MC2R: variants seen among roughly 807,000 people sequenced by gnomAD.
MC2R encodes the protein adrenocorticotropic hormone receptor.
A neutral mutation model predicts 9.8 loss-of-function variants in MC2R; 9 were observed. The observed-to-expected ratio is 0.92, with a 90% confidence interval of 0.55 to 1.60. The LOEUF is 1.60. MC2R is among the 40% of genes most tolerant of loss of function. MC2R has a pLI of 0.00. For synonymous variants in MC2R, 185 were observed against 154.7 expected, an observed-to-expected ratio of 1.20 and a Z score of -1.45; for missense variants, 370 against 389.0, an observed-to-expected ratio of 0.95 and a Z score of 0.41.
At chr18:13,908,503 A>T (rs2045426521) in intron 1 of MC2R, among the ~76,000 whole-genome samples, 1 of 152,188 alleles carries the variant, frequency 6.6e-6, no homozygotes, top group South Asian at 2.1e-4. Context: ...TACATTCCAA[A>T]ATGGCTAGAA....
intron 1 of MC2R, among the ~76,000 whole-genome samples, chr18:13,886,160 T>C (rs2045274958): frequency 6.6e-6 from 1 of 152,198 alleles, no homozygotes; most frequent in African/African-American, 2.4e-5. Context: ...AGCCCAGGCT[T>C]CACCACTACA....
At chr18:13,888,074 A>G (rs1421345265) in intron 1 of MC2R, among the ~76,000 whole-genome samples, 1 of 151,974 alleles carries the variant, frequency 6.6e-6, no homozygotes, top group Non-Finnish European at 1.5e-5. Context: ...GAATTAGTAT[A>G]TATTTCCAAT....
intron 1 of MC2R, among the ~76,000 whole-genome samples, chr18:13,899,973 G>C (rs1164605862): frequency 6.6e-6 from 1 of 152,112 alleles, no homozygotes; most frequent in African/African-American, 2.4e-5. Context: ...TCATAACACT[G>C]TAACTGTGCT....
chr18:13,903,076 C>T (rs1483878119), intron 1 of MC2R, among the ~76,000 whole-genome samples: 1 of 152,182 alleles, frequency 6.6e-6, no homozygotes, highest in Non-Finnish European at 1.5e-5. Flanking sequence ...ACATGGCAAA[C>T]AGGCATATGA....
At chr18:13,898,450 C>T (rs919106400) in intron 1 of MC2R, among the ~76,000 whole-genome samples, 4 of 152,214 alleles carry the variant, frequency 2.6e-5, no homozygotes, top group African/African-American at 9.6e-5. Context: ...GGGGGAACTT[C>T]CTGCCCTGAA....
At chr18:13,895,893 C>A (rs896500146) in intron 1 of MC2R, among the ~76,000 whole-genome samples, 1 of 152,162 alleles carries the variant, frequency 6.6e-6, no homozygotes, top group African/African-American at 2.4e-5. Flanking sequence ...GATCAGATAC[C>A]AGACTGGTCT....
chr18:13,909,555 C>CTATT lies in MC2R; in HGVS notation c.-129+5929_-129+5932dup, dbSNP rs549791735. ...GCATGGGAGATTAGCCTATCCTTCC[C>CTATT]TATTTATTTATTTATTCAATCCTAT... On this transcript the variant is annotated intron_variant, in intron 1 of 1. Coordinates refer to ENST00000327606, the MANE Select transcript of MC2R (RefSeq NM_000529.2). 1.6e-4 allele frequency among the ~76,000 whole-genome samples: 24 copies of CTATT among 152,256 alleles called. 1 individual carries two copies. In the East Asian group the frequency reaches 4.6e-3, roughly 29 times the overall value.
intron 1 of MC2R, among the ~76,000 whole-genome samples, chr18:13,913,117 G>A (rs17702214): frequency 0.52 from 79,588 of 151,952 alleles, 22,031 homozygotes; most frequent in African/African-American, 0.71. Context: ...TAGGACGAGC[G>A]AAGGAAAGTC....
At chr18:13,908,364 G>A (rs1307683140) in intron 1 of MC2R, among the ~76,000 whole-genome samples, 1 of 151,838 alleles carries the variant, frequency 6.6e-6, no homozygotes, top group Non-Finnish European at 1.5e-5. Flanking sequence ...CAAGAGCCCA[G>A]GAAGGGTAGA....
intron 1 of MC2R, among the ~76,000 whole-genome samples, chr18:13,902,084 C>A (rs2045383436): frequency 6.6e-6 from 1 of 150,748 alleles, no homozygotes; most frequent in African/African-American, 2.5e-5. Flanking sequence ...GCAAGGATGG[C>A]TTAACATATG....
chr18:13,903,560 A>G (rs2045393099), intron 1 of MC2R, among the ~76,000 whole-genome samples: 1 of 152,210 alleles, frequency 6.6e-6, no homozygotes. Context: ...TGGAAGCGAA[A>G]TAAGCCAGGA....
chr18:13,884,290 T>C lies in MC2R; in HGVS notation c.*335A>G, dbSNP rs189019184. ...CCCAAAGCCCTTGAATTTTTATTGC[T>C]GTTTTACTAGATTGGTGCAAAAGTA... On this transcript the variant is annotated 3_prime_UTR_variant, in exon 2 of 2. Coordinates refer to ENST00000327606, the MANE Select transcript of MC2R (RefSeq NM_000529.2). The C allele has an allele frequency of 1.6e-4, 57 of 363,344 alleles. No individual in the cohort carries two copies. The highest frequency in any genetic ancestry group is 1.1e-3 in the African/African-American group (55 of 48,074). The allele number at this position is 363,344 out of a possible 1,614,324, so 22.5% of individuals were successfully genotyped here. A position where few individuals can be genotyped will look rare whatever the true frequency, so the allele number is the denominator to read the frequency against.
rs768093045 is a variant in MC2R, at chr18:13,885,212, C to T, written c.307G>A (p.Asp103Asn). The T allele has an allele frequency of 2.1e-5, 34 of 1,613,990 alleles. No homozygotes were observed. Among genetic ancestry groups the T allele is most frequent in the Admixed American group, 1.8e-4 (11 of 59,986 alleles). The change falls in exon 2 of 2, where the codon GAT (aspartate) becomes AAT (asparagine). Residue 103 changes from aspartate to asparagine, a missense_variant. Coordinates refer to ENST00000327606, the MANE Select transcript of MC2R (RefSeq NM_000529.2). ...ACAAACAGGGAGTCGATGATGTCATCGGCTGTGGTTTCAAAACTGCCACGT... is the reference window on the plus strand; with the variant it reads ...ACAAACAGGGAGTCGATGATGTCATTGGCTGTGGTTTCAAAACTGCCACGT... ...KPRGSFETTA[D>N]DIIDSLFVLS... is the part of the protein sequence containing the mutation.
chr18:13,899,487 G>A (rs2045366010), intron 1 of MC2R, among the ~76,000 whole-genome samples: 1 of 152,096 alleles, frequency 6.6e-6, no homozygotes, highest in African/African-American at 2.4e-5. Context: ...CAAACCTAGA[G>A]AAAGATACCA....
At chr18:13,890,943 C>T (rs1185779517) in intron 1 of MC2R, among the ~76,000 whole-genome samples, 1 of 152,174 alleles carries the variant, frequency 6.6e-6, no homozygotes, top group Non-Finnish European at 1.5e-5. Context: ...TGGAGGCAGG[C>T]ATGACTCCTG....
At chr18:13,897,018 A>G (rs1387796327) in intron 1 of MC2R, among the ~76,000 whole-genome samples, 2 of 152,234 alleles carry the variant, frequency 1.3e-5, no homozygotes, top group Non-Finnish European at 2.9e-5. Flanking sequence ...CCAATTCAAC[A>G]ACTATCTACA....
intron 1 of MC2R, among the ~76,000 whole-genome samples, chr18:13,895,852 C>T (rs1314602510): frequency 6.6e-6 from 1 of 152,122 alleles, no homozygotes; most frequent in Non-Finnish European, 1.5e-5. Flanking sequence ...ACAGCAACAC[C>T]ATGAGGCAGC....
intron 1 of MC2R, among the ~76,000 whole-genome samples, chr18:13,908,305 A>T (rs1363957648): frequency 6.6e-6 from 1 of 152,218 alleles, no homozygotes; most frequent in African/African-American, 2.4e-5. Flanking sequence ...TCTCACTCAC[A>T]TGTGGGAGCT....
Position 13,882,885 on chromosome 18 carries a change from T to C in MC2R, c.*1740A>G, listed in dbSNP as rs2045241708. ...AATACAGGTTAGTATTAGAGTAACA[T>C]AGTTCATTTGGCAGGGGAAGGATCA... On this transcript the variant is annotated 3_prime_UTR_variant, in exon 2 of 2. Transcript: ENST00000327606. 1 of 152,222 alleles carries C rather than the reference T, an allele frequency of 6.6e-6. No homozygotes were observed. The highest frequency in any genetic ancestry group is 1.5e-5 in the Non-Finnish European group (1 of 68,052). 9.4% of individuals were successfully genotyped at this position (152,222 alleles called of 1,614,324 possible).
Sources: allele counts gnomAD v4.1 joint callset (sites outside exome capture counted in the v4.1 genomes callset), GRCh38; gene constraint gnomAD v4.1.1; transcripts MANE v1.5; gene names NCBI Gene and HGNC (gene_info 2026-07-23, HGNC 2026-07-21).